The following NPAS3 variants were observed in gnomAD, a reference collection of about 807,000 sequenced individuals.
NPAS3 encodes the protein neuronal PAS domain-containing protein 3.
Under a neutral mutation model 73.1 loss-of-function variants are expected in NPAS3, and 14 were observed. That is an observed-to-expected ratio of 0.19 (90% CI 0.13 to 0.30). The LOEUF (loss-of-function observed/expected upper bound fraction) is 0.30, where lower values mean the gene tolerates loss of function less well. NPAS3 is among the 10% of genes least tolerant of loss of function. NPAS3 has a pLI of 1.00. For synonymous variants in NPAS3, 620 were observed against 541.5 expected (o/e 1.14, Z -2.01); for missense variants, 1,096 against 1,250.0 (o/e 0.88, Z 1.86).
At chr14:33,011,069 G>C (rs1341558801) in intron 1 of NPAS3, among the ~76,000 whole-genome samples, 1 of 152,148 alleles carries the variant, frequency 6.6e-6, no homozygotes, top group African/African-American at 2.4e-5. Flanking sequence ...GTGGTGTTGG[G>C]TTAAATCGAG....
intron 6 of NPAS3, among the ~76,000 whole-genome samples, chr14:33,699,580 A>T (rs934261682): frequency 2.6e-5 from 4 of 152,192 alleles, no homozygotes; most frequent in Admixed American, 2.0e-4. Context: ...AATAGTACTC[A>T]ATGTGAAATG....
intron 2 of NPAS3, among the ~76,000 whole-genome samples, chr14:33,167,739 T>A (rs994809763): frequency 6.6e-6 from 1 of 152,192 alleles, no homozygotes; most frequent in Non-Finnish European, 1.5e-5. Context: ...CCATGCCACA[T>A]AATAATAAGA....
chr14:33,085,654 A>C (rs2042000084), intron 2 of NPAS3, among the ~76,000 whole-genome samples: 1 of 152,214 alleles, frequency 6.6e-6, no homozygotes. Context: ...TGCCATAGAA[A>C]CTGAACTATT....
intron 3 of NPAS3, among the ~76,000 whole-genome samples, chr14:33,254,734 A>G (rs1370133089): frequency 6.6e-6 from 1 of 152,210 alleles, no homozygotes; most frequent in Non-Finnish European, 1.5e-5. Context: ...AAAGCAAGGA[A>G]GGAGCAGACT....
chr14:33,154,128 T>C (rs1208082116), intron 2 of NPAS3, among the ~76,000 whole-genome samples: 1 of 152,178 alleles, frequency 6.6e-6, no homozygotes, highest in Non-Finnish European at 1.5e-5. Flanking sequence ...TTGCTGCTAC[T>C]ATGTCCTAAT....
chr14:33,097,156 T>A (rs964481064), intron 2 of NPAS3, among the ~76,000 whole-genome samples: 2 of 152,002 alleles, frequency 1.3e-5, no homozygotes, highest in African/African-American at 4.8e-5. Context: ...TGCAGGAGGA[T>A]CGCCTGAGCC....
intron 3 of NPAS3, among the ~76,000 whole-genome samples, chr14:33,325,011 C>T (rs1338850515): frequency 1.3e-5 from 2 of 152,012 alleles, no homozygotes. Context: ...TGATATTTAC[C>T]TGGTATACTC....
intron 1 of NPAS3, among the ~76,000 whole-genome samples, chr14:33,018,641 C>A (rs1595240277): frequency 9.4e-6 from 1 of 106,552 alleles, no homozygotes. Context: ...AGAACATAAA[C>A]AAGTTGAAAG....
At chr14:33,555,696 A>G (rs1294475475) in intron 4 of NPAS3, among the ~76,000 whole-genome samples, 1 of 152,156 alleles carries the variant, frequency 6.6e-6, no homozygotes, top group African/African-American at 2.4e-5. Context: ...AGCAGAGACA[A>G]TCCTGAATCA....
At chr14:33,165,641 A>G (rs1453636639) in intron 2 of NPAS3, among the ~76,000 whole-genome samples, 2 of 152,172 alleles carry the variant, frequency 1.3e-5, no homozygotes, top group South Asian at 4.1e-4. Context: ...GAGATTTGAA[A>G]TACTATGCCT....
intron 2 of NPAS3, among the ~76,000 whole-genome samples, chr14:33,057,554 T>C (rs759622251): frequency 6.6e-6 from 1 of 152,250 alleles, no homozygotes; most frequent in Non-Finnish European, 1.5e-5. Flanking sequence ...CTGAAATTAC[T>C]GTTGGCTTAG....
intron 4 of NPAS3, among the ~76,000 whole-genome samples, chr14:33,465,939 C>A (rs933385366): frequency 1.5e-4 from 23 of 151,866 alleles, no homozygotes; most frequent in Non-Finnish European, 2.9e-4. Context: ...CTACAATAAG[C>A]AAATTAACAG....
chr14:33,474,693 G>A (rs10142103), intron 4 of NPAS3, among the ~76,000 whole-genome samples: 14,995 of 152,042 alleles, frequency 0.099, 1,469 homozygotes, highest in African/African-American at 0.25. Flanking sequence ...GTATAAATTT[G>A]AGAATGATTA....
intron 2 of NPAS3, among the ~76,000 whole-genome samples, chr14:33,202,750 C>T (rs1404320219): frequency 6.8e-6 from 1 of 146,114 alleles, no homozygotes; most frequent in Non-Finnish European, 1.5e-5. Context: ...TGTATGATTT[C>T]TTCTGATTAT....
chr14:33,522,702 A>AT (rs1432275644), intron 4 of NPAS3, among the ~76,000 whole-genome samples: 1 of 152,104 alleles, frequency 6.6e-6, no homozygotes, highest in African/African-American at 2.4e-5. Flanking sequence ...AATATTAGCC[A>AT]TTTTTATGGT....
At chr14:33,734,961 G>T (rs770032493) in intron 6 of NPAS3, among the ~76,000 whole-genome samples, 4 of 152,134 alleles carry the variant, frequency 2.6e-5, no homozygotes, top group African/African-American at 4.8e-5. Flanking sequence ...CCCCACTTAG[G>T]CAGCTGCTGG....
chr14:33,575,350 A>G (rs10143681), intron 5 of NPAS3, among the ~76,000 whole-genome samples: 18,917 of 152,190 alleles, frequency 0.12, 1,446 homozygotes, highest in African/African-American at 0.22. Flanking sequence ...GAAAAAATTG[A>G]GAAAGTATTT....
chr14:33,473,155 T>C (rs1275917314), intron 4 of NPAS3, among the ~76,000 whole-genome samples: 1 of 151,654 alleles, frequency 6.6e-6, no homozygotes, highest in Non-Finnish European at 1.5e-5. Context: ...AACCGGGAGG[T>C]TGGCTGATGG....
At chr14:33,199,684 C>G (rs2046537251) in intron 2 of NPAS3, among the ~76,000 whole-genome samples, 1 of 151,532 alleles carries the variant, frequency 6.6e-6, no homozygotes, top group South Asian at 2.1e-4. Context: ...CCTTTTCCTT[C>G]TCTTTGCCCC....
Sources: gnomAD v4.1 joint callset for allele counts (sites outside exome capture counted in the v4.1 genomes callset) on GRCh38, gnomAD v4.1.1 for gene constraint, MANE v1.5 for transcripts, NCBI Gene and HGNC (gene_info 2026-07-23, HGNC 2026-07-21) for gene names.